The following PRCP variants were observed in gnomAD, a reference collection of about 807,000 sequenced individuals.
PRCP encodes prolylcarboxypeptidase, also known as lysosomal Pro-X carboxypeptidase.
Under a neutral mutation model 54.2 loss-of-function variants are expected in PRCP, and 46 were observed. The observed-to-expected ratio is 0.85, with a 90% CI of 0.67 to 1.09. The LOEUF is 1.09. Ranked by LOEUF, PRCP falls within the 50% of genes least tolerant of loss-of-function variation. PRCP has a pLI of 0.00. For missense variants in PRCP, 613 were observed against 596.8 expected, an observed-to-expected ratio of 1.03 and a Z score of -0.28; for synonymous variants, 240 against 212.2, an observed-to-expected ratio of 1.13 and a Z score of -1.14.
rs141434208 is a variant in PRCP at position 82,889,998 on chromosome 11, G to A, written c.168+10237C>T. On this transcript the variant is annotated intron_variant, in intron 1 of 8. Transcript: ENST00000313010. ...GTAATAGGGGCTGCAAAAAGGGGCTGTAATCACTCCCTTGCATGCAATTCT... is the reference window on the plus strand; with the variant it reads ...GTAATAGGGGCTGCAAAAAGGGGCTATAATCACTCCCTTGCATGCAATTCT... Among the ~76,000 whole-genome samples the A allele has an allele frequency of 3.2e-3, 480 of 151,640 alleles. 2 individuals are homozygous for A. The highest frequency in any genetic ancestry group is 0.02 in the Middle Eastern group (6 of 294).
chr11:82,894,976 G>C (rs1289390628), intron 1 of PRCP, among the ~76,000 whole-genome samples: 1 of 152,092 alleles, frequency 6.6e-6, no homozygotes, highest in African/African-American at 2.4e-5. Flanking sequence ...ATGATTTTAA[G>C]CAAGAAAAAA....
chr11:82,881,890 C>T (rs1237383122), intron 1 of PRCP, among the ~76,000 whole-genome samples: 2 of 152,160 alleles, frequency 1.3e-5, no homozygotes, highest in Non-Finnish European at 2.9e-5. Flanking sequence ...TAACCTTTGA[C>T]TCCCAAAAAC....
chr11:82,834,059 G>A (rs927185876), intron 8 of PRCP, among the ~76,000 whole-genome samples: 2 of 152,196 alleles, frequency 1.3e-5, no homozygotes, highest in Non-Finnish European at 2.9e-5. Context: ...TAAAAGGACT[G>A]GAGGAAACGA....
At chr11:82,873,066 G>GTTTTTGTTTT (rs1555017778) in intron 1 of PRCP, among the ~76,000 whole-genome samples, 1 of 119,038 alleles carries the variant, frequency 8.4e-6, no homozygotes, top group Non-Finnish European at 1.9e-5. Flanking sequence ...ATTCTGATCT[G>GTTTTTGTTTT]TTTTTTTTTT....
chr11:82,900,607 T>C (rs1421490715), upstream of PRCP: 2 of 716,554 alleles, frequency 2.8e-6, no homozygotes, highest in Non-Finnish European at 5.0e-6. Flanking sequence ...GGACACCGCC[T>C]CCACTCCACT....
At chr11:82,885,812 T>G (rs1859850429) in intron 1 of PRCP, among the ~76,000 whole-genome samples, 1 of 152,180 alleles carries the variant, frequency 6.6e-6, no homozygotes, top group Non-Finnish European at 1.5e-5. Context: ...CCAAGCCAAA[T>G]TTTATACTCA....
At chr11:82,884,740 C>G in intron 1 of PRCP, 1 of 1,592,412 alleles carries the variant, frequency 6.3e-7, no homozygotes, top group Non-Finnish European at 8.5e-7. Flanking sequence ...TCAGTGCCAT[C>G]TTGGCCATTT....
chr11:82,845,287 T>G (rs1437640513), intron 6 of PRCP, among the ~76,000 whole-genome samples: 1 of 152,116 alleles, frequency 6.6e-6, no homozygotes, highest in African/African-American at 2.4e-5. Flanking sequence ...ATGATTTGTT[T>G]AAAAGTTTTA....
intron 6 of PRCP, among the ~76,000 whole-genome samples, chr11:82,841,423 G>A (rs1858668724): frequency 6.6e-6 from 1 of 152,130 alleles, no homozygotes; most frequent in Non-Finnish European, 1.5e-5. Context: ...TTGAGAAACT[G>A]TATATTAGCA....
chr11:82,900,182 T>G, intron 1 of PRCP, 53 bp downstream of exon 1: 1 of 1,596,378 alleles, frequency 6.3e-7, no homozygotes. Context: ...GCTCTGAGGG[T>G]CAGGGTTCCC....
At chr11:82,825,149 T>TA (rs771977566) in intron 8 of PRCP, 27 bp from the exon 9 acceptor site, 5 of 1,577,786 alleles carry the variant, frequency 3.2e-6, no homozygotes, top group Non-Finnish European at 4.3e-6. Flanking sequence ...GAAGAAAAAA[T>TA]AAAGTTGTTA....
At chr11:82,876,283 T>A (rs117692882) in intron 1 of PRCP, among the ~76,000 whole-genome samples, 4 of 152,182 alleles carry the variant, frequency 2.6e-5, no homozygotes, top group Admixed American at 6.5e-5. Flanking sequence ...AAAACTAACT[T>A]CCTTACAAGG....
chr11:82,845,599 G>A (rs1858788869), intron 6 of PRCP: 1 of 152,144 alleles, frequency 6.6e-6, no homozygotes, highest in Non-Finnish European at 1.5e-5. Flanking sequence ...ACCACCCAGA[G>A]AGGTCGCATA....
chr11:82,901,139 C>G (rs559698214), upstream of PRCP, among the ~76,000 whole-genome samples: 14 of 152,308 alleles, frequency 9.2e-5, no homozygotes, highest in African/African-American at 3.1e-4. Context: ...CCATCTGGAG[C>G]CTAACCACTC....
At chr11:82,857,637 G>T (rs56883544) in intron 2 of PRCP, among the ~76,000 whole-genome samples, 1 of 152,118 alleles carries the variant, frequency 6.6e-6, no homozygotes, top group African/African-American at 2.4e-5. Context: ...GTCATTCCTA[G>T]TGCACATTGT....
At chr11:82,881,088 T>G (rs1271566336) in intron 1 of PRCP, among the ~76,000 whole-genome samples, 1 of 152,188 alleles carries the variant, frequency 6.6e-6, no homozygotes, top group Non-Finnish European at 1.5e-5. Flanking sequence ...ACATTCTTCT[T>G]TTTAAGGCCT....
At chr11:82,895,129 CTG>C (rs1860089443) in intron 1 of PRCP, among the ~76,000 whole-genome samples, 1 of 152,128 alleles carries the variant, frequency 6.6e-6, no homozygotes, top group Admixed American at 6.6e-5. Flanking sequence ...TGTTTACTAA[CTG>C]TTATGCACTG....
chr11:82,890,719 C>A (rs1264363836), intron 1 of PRCP, among the ~76,000 whole-genome samples: 1 of 152,230 alleles, frequency 6.6e-6, no homozygotes, highest in Non-Finnish European at 1.5e-5. Flanking sequence ...CTTTCGCCTC[C>A]ACTCACCCTC....
intron 1 of PRCP, among the ~76,000 whole-genome samples, chr11:82,861,629 C>T (rs2121182003): frequency 6.6e-6 from 1 of 152,172 alleles, no homozygotes; most frequent in Middle Eastern, 3.4e-3. Context: ...TTAATCCAGC[C>T]TTTAGATCTA....
Sources: allele counts gnomAD v4.1 joint callset (sites outside exome capture counted in the v4.1 genomes callset), GRCh38; gene constraint gnomAD v4.1.1; transcripts MANE v1.5; gene names NCBI Gene and HGNC (gene_info 2026-07-23, HGNC 2026-07-21).